The following PATJ variants were observed in gnomAD, a reference collection of about 807,000 sequenced individuals.
The protein encoded by PATJ is inaD-like protein.
A neutral mutation model predicts 224.9 loss-of-function variants in PATJ; 190 were observed. The ratio of observed to expected loss-of-function variants is 0.84; its 90% confidence interval spans 0.75 to 0.95. The LOEUF (loss-of-function observed/expected upper bound fraction) is 0.95, where lower values mean the gene tolerates loss of function less well. PATJ is among the 40% of genes least tolerant of loss of function. The pLI is 0.00. For missense variants in PATJ, 2,121 were observed against 2,270.3 expected, an observed-to-expected ratio of 0.93 and a Z score of 1.34; for synonymous variants, 769 against 820.3, an observed-to-expected ratio of 0.94 and a Z score of 1.07.
intron 24 of PATJ, among the ~76,000 whole-genome samples, chr1:61,902,397 G>A (rs1281010144): frequency 6.6e-6 from 1 of 151,952 alleles, no homozygotes; most frequent in Non-Finnish European, 1.5e-5. Flanking sequence ...TGGTGTTTCA[G>A]CTGTGATAGA....
chr1:61,950,971 A>AC (rs2149383897), intron 27 of PATJ, among the ~76,000 whole-genome samples: 1 of 152,210 alleles, frequency 6.6e-6, no homozygotes, highest in East Asian at 1.9e-4. Context: ...ACATGGTGAA[A>AC]CCCCATCTCT....
At chr1:61,911,374 C>A (rs1672612775) in intron 25 of PATJ, among the ~76,000 whole-genome samples, 1 of 151,924 alleles carries the variant, frequency 6.6e-6, no homozygotes, top group Non-Finnish European at 1.5e-5. Flanking sequence ...CCACCACGCT[C>A]AGCTAATTTT....
intron 28 of PATJ, among the ~76,000 whole-genome samples, chr1:62,001,606 A>G (rs2023306): frequency 0.3 from 44,236 of 148,798 alleles, 7,270 homozygotes; most frequent in East Asian, 0.47. Context: ...ATAGTTTGAA[A>G]TCAGGTAGCG....
At chr1:61,865,782 C>T (rs528235799) in intron 20 of PATJ, among the ~76,000 whole-genome samples, 1 of 152,074 alleles carries the variant, frequency 6.6e-6, no homozygotes, top group Non-Finnish European at 1.5e-5. Context: ...CAGCGTGTTG[C>T]TTCCCTCTCT....
chr1:61,865,168 G>T (rs1458399342), intron 20 of PATJ: 1 of 150,076 alleles, frequency 6.7e-6, no homozygotes, highest in Non-Finnish European at 1.5e-5. Flanking sequence ...CATTGTGTGT[G>T]TGTATATATA....
intron 25 of PATJ, among the ~76,000 whole-genome samples, chr1:61,912,113 A>G (rs1672751688): frequency 6.6e-6 from 1 of 151,794 alleles, no homozygotes; most frequent in Non-Finnish European, 1.5e-5. Flanking sequence ...TACCAATACC[A>G]TTGTTCTATA....
intron 41 of PATJ, among the ~76,000 whole-genome samples, chr1:62,136,232 A>G (rs1666852433): frequency 6.6e-6 from 1 of 151,688 alleles, no homozygotes. Context: ...GGGTTTCTCC[A>G]TGTTGGTCAG....
intron 28 of PATJ, among the ~76,000 whole-genome samples, chr1:62,011,366 T>A (rs1284139034): frequency 1.3e-5 from 2 of 152,198 alleles, no homozygotes; most frequent in African/African-American, 4.8e-5. Flanking sequence ...TGTAGGGTAT[T>A]AATTGGCCTA....
intron 14 of PATJ, among the ~76,000 whole-genome samples, chr1:61,817,609 C>T (rs1032361896): frequency 1.3e-5 from 2 of 152,194 alleles, no homozygotes; most frequent in East Asian, 1.9e-4. Flanking sequence ...TGCAGTGAGC[C>T]GAGATCGCAC....
chr1:61,960,712 G>A (rs916989717), intron 27 of PATJ, among the ~76,000 whole-genome samples: 2 of 151,940 alleles, frequency 1.3e-5, no homozygotes, highest in South Asian at 4.2e-4. Flanking sequence ...AATTTTTATG[G>A]AGAACATTTC....
intron 26 of PATJ, among the ~76,000 whole-genome samples, chr1:61,922,196 C>T (rs949331713): frequency 1.3e-5 from 2 of 152,058 alleles, no homozygotes; most frequent in Non-Finnish European, 2.9e-5. Flanking sequence ...GTGCACACCA[C>T]CACACCTGGC....
At chr1:62,016,668 T>C (rs945445902) in intron 28 of PATJ, among the ~76,000 whole-genome samples, 1 of 152,232 alleles carries the variant, frequency 6.6e-6, no homozygotes, top group Admixed American at 6.5e-5. Flanking sequence ...TAGGTCATCT[T>C]TTGGTAGATC....
intron 43 of PATJ, among the ~76,000 whole-genome samples, chr1:62,157,609 T>C (rs1669365505): frequency 6.7e-6 from 1 of 148,374 alleles, no homozygotes. Flanking sequence ...GGCAGGTGGA[T>C]CACCTGAGGT....
At chr1:61,763,233 C>T (rs941556756) in intron 3 of PATJ, 54 bp downstream of exon 3, 1 of 1,065,616 alleles carries the variant, frequency 9.4e-7, no homozygotes, top group African/African-American at 1.6e-5. Flanking sequence ...ATATTCAAAC[C>T]ATCAAAGAAA....
Position 62,161,233 on chromosome 1 carries a change from T to G in PATJ, c.*179T>G, listed in dbSNP as rs1264712498. 1 of 431,580 alleles carries G rather than the reference T, an allele frequency of 2.3e-6. No individual in the cohort carries two copies. Among genetic ancestry groups the G allele is most frequent in the African/African-American group, 2.0e-5 (1 of 49,444 alleles). The allele number at this position is 431,580 out of a possible 1,614,324, so 26.7% of individuals were successfully genotyped here. On this transcript the variant is annotated 3_prime_UTR_variant, in exon 44 of 44. Transcript: ENST00000642238. The stretch of plus-strand genomic sequence containing the variant: ...TGAATTTCCCAAATCAACAATCATC[T>G]CCTAATGTTTCCCAGTTCCTGTCAC...
chr1:61,771,468 A>G lies in PATJ; in HGVS notation c.562A>G (p.Ile188Val). 6.2e-7 allele frequency: 1 copy of G among 1,606,208 alleles called. No individual in the cohort carries two copies. The highest frequency in any genetic ancestry group is 8.5e-7 in the Non-Finnish European group (1 of 1,177,576). ...RLKENDQILA[I>V]NHTPLDQNIS... is the part of the protein sequence containing the mutation. ...AAAGGAAAATGATCAAATATTGGCC[A>G]TTAATCACACGCCATTGGATCAGAA... is the stretch of plus-strand genomic sequence containing the variant. Residue 188 changes from isoleucine (I) to valine (V), a missense_variant, in exon 6 of 44, where the codon ATT (isoleucine) becomes GTT (valine). Coordinates refer to ENST00000642238, the MANE Select transcript of PATJ (RefSeq NM_001350145.3).
intron 21 of PATJ, among the ~76,000 whole-genome samples, chr1:61,879,833 A>T (rs1429448567): frequency 4.8e-5 from 7 of 145,666 alleles, no homozygotes; most frequent in South Asian, 2.2e-4. Flanking sequence ...TACTCCATCT[A>T]TTTTTTTTTT....
At chr1:61,871,474 C>CATATATGCGT (rs1666504566) in intron 20 of PATJ, among the ~76,000 whole-genome samples, 3 of 50,082 alleles carry the variant, frequency 6.0e-5, no homozygotes, top group African/African-American at 1.2e-4. Flanking sequence ...TATGTATATA[C>CATATATGCGT]ATATATATGT....
At chr1:62,102,076 G>A (rs1018270884) in intron 33 of PATJ, among the ~76,000 whole-genome samples, 7 of 152,184 alleles carry the variant, frequency 4.6e-5, no homozygotes, top group African/African-American at 1.7e-4. Flanking sequence ...CTACTCAGGA[G>A]GCTGAGGTGA....
Sources: allele counts gnomAD v4.1 joint callset (sites outside exome capture counted in the v4.1 genomes callset), GRCh38; gene constraint gnomAD v4.1.1; transcripts MANE v1.5; gene names NCBI Gene and HGNC (gene_info 2026-07-23, HGNC 2026-07-21).